FBLN2: variants seen among roughly 807,000 people sequenced by gnomAD.
The protein encoded by FBLN2 is fibulin-2.
A neutral mutation model predicts 123.7 loss-of-function variants in FBLN2; 81 were observed. That is an observed-to-expected ratio of 0.65 (90% CI 0.55 to 0.79). FBLN2 has a LOEUF of 0.79. Ranked by LOEUF, FBLN2 falls within the 30% of genes least tolerant of loss-of-function variation. The pLI, the probability that FBLN2 is intolerant of heterozygous loss-of-function variation, is 0.00. For missense variants in FBLN2, 1,603 were observed against 1,681.3 expected, an observed-to-expected ratio of 0.95 and a Z score of 0.81; for synonymous variants, 699 against 701.4, an observed-to-expected ratio of 1.00 and a Z score of 0.05.
At chr3:13,592,136 C>G (rs1704697829) in intron 2 of FBLN2, among the ~76,000 whole-genome samples, 1 of 151,352 alleles carries the variant, frequency 6.6e-6, no homozygotes, top group Non-Finnish European at 1.5e-5. Context: ...GATCCTCCTT[C>G]TGCCTCAGCC....
intron 4 of FBLN2, among the ~76,000 whole-genome samples, chr3:13,612,849 CAGTT>C (rs1705452382): frequency 6.6e-6 from 1 of 152,180 alleles, no homozygotes; most frequent in Non-Finnish European, 1.5e-5. Context: ...AATAGAGTAT[CAGTT>C]AGCTGTTGCT....
rs543340653 is a variant in FBLN2 at position 13,617,898 on chromosome 3, C to G, written c.1730-178C>G. Among the ~76,000 whole-genome samples, 160 of 149,474 alleles carry G rather than the reference C, an allele frequency of 1.1e-3. 2 individuals carry two copies. The South Asian group carries it at 0.032, about 30-fold the overall frequency. On this transcript the variant is annotated intron_variant, in intron 5 of 17. Coordinates refer to ENST00000404922, the MANE Select transcript of FBLN2 (RefSeq NM_001004019.2). ...CCTGCCCACCCACCCATCTATCCAT[C>G]CATCTATCCACCCATCCACCCACCC...
intron 1 of FBLN2, among the ~76,000 whole-genome samples, chr3:13,556,661 TG>T (rs1250389998): frequency 6.6e-6 from 1 of 152,186 alleles, no homozygotes; most frequent in South Asian, 2.1e-4. Flanking sequence ...TTCCTGTGCA[TG>T]GGATGGGAGG....
intron 16 of FBLN2, among the ~76,000 whole-genome samples, chr3:13,634,383 C>T (rs1402997492): frequency 2.6e-5 from 4 of 152,230 alleles, no homozygotes; most frequent in East Asian, 1.9e-4. Flanking sequence ...TGCGACTGAC[C>T]GCCTCCCGCG....
chr3:13,581,097 G>C (rs964678552), intron 2 of FBLN2, among the ~76,000 whole-genome samples: 21 of 152,282 alleles, frequency 1.4e-4, no homozygotes, highest in African/African-American at 4.8e-4. Flanking sequence ...TGAAGATGGA[G>C]AGCACTCCTT....
intron 2 of FBLN2, among the ~76,000 whole-genome samples, chr3:13,585,003 A>G (rs1306579030): frequency 6.6e-6 from 1 of 152,210 alleles, no homozygotes; most frequent in Non-Finnish European, 1.5e-5. Flanking sequence ...AAGCTGGCCC[A>G]CCTGGCAGTT....
chr3:13,615,462 T>G (rs1384502791), intron 5 of FBLN2, among the ~76,000 whole-genome samples: 1 of 152,204 alleles, frequency 6.6e-6, no homozygotes. Context: ...GGTATCAAGA[T>G]TAAACTCTTG....
chr3:13,612,817 G>A (rs1016801550), intron 4 of FBLN2, among the ~76,000 whole-genome samples: 5 of 152,186 alleles, frequency 3.3e-5, no homozygotes, highest in African/African-American at 1.2e-4. Context: ...AGTGGGAAGT[G>A]TTCAACACTG....
intron 1 of FBLN2, among the ~76,000 whole-genome samples, chr3:13,551,115 T>C (rs963657151): frequency 2.6e-5 from 4 of 152,318 alleles, no homozygotes; most frequent in African/African-American, 2.4e-5. Context: ...CTGCCTGGCC[T>C]GCGTGGCCTT....
At chr3:13,588,635 C>T (rs2124852092) in intron 2 of FBLN2, among the ~76,000 whole-genome samples, 1 of 152,328 alleles carries the variant, frequency 6.6e-6, no homozygotes, top group Middle Eastern at 3.4e-3. Flanking sequence ...CACGGATCAC[C>T]CGAGGCTTTG....
chr3:13,574,727 T>A (rs1001899916), intron 2 of FBLN2, among the ~76,000 whole-genome samples: 1 of 152,036 alleles, frequency 6.6e-6, no homozygotes, highest in Non-Finnish European at 1.5e-5. Context: ...CAAAGCCACC[T>A]CCCCAGCTTC....
At chr3:13,549,652 G>A (rs969441060) in intron 1 of FBLN2, among the ~76,000 whole-genome samples, 1 of 142,286 alleles carries the variant, frequency 7.0e-6, no homozygotes, top group African/African-American at 2.6e-5. Context: ...AAGAAGACTA[G>A]AGTCCCTGGT....
intron 2 of FBLN2, among the ~76,000 whole-genome samples, chr3:13,586,127 G>A (rs2124847892): frequency 6.6e-6 from 1 of 152,250 alleles, no homozygotes; most frequent in Admixed American, 6.5e-5. Flanking sequence ...TAATATTGAT[G>A]ATCCTGACCC....
intron 16 of FBLN2, among the ~76,000 whole-genome samples, chr3:13,634,152 G>A (rs533026676): frequency 6.6e-6 from 1 of 152,196 alleles, no homozygotes; most frequent in African/African-American, 2.4e-5. Flanking sequence ...GCCCTTGGAA[G>A]CCTCTCTTCC....
intron 2 of FBLN2, among the ~76,000 whole-genome samples, chr3:13,597,775 G>A (rs1704894436): frequency 2.0e-5 from 3 of 152,262 alleles, no homozygotes; most frequent in Admixed American, 1.3e-4. Context: ...CGTGGGAACA[G>A]CAGGGTTCCT....
At chr3:13,619,281 T>G (rs897717295) in intron 7 of FBLN2, among the ~76,000 whole-genome samples, 5 of 152,188 alleles carry the variant, frequency 3.3e-5, no homozygotes, top group Admixed American at 2.6e-4. Flanking sequence ...TCTCCATTCT[T>G]GTAACGTTGA....
chr3:13,560,655 C>G (rs937833828), intron 1 of FBLN2, among the ~76,000 whole-genome samples: 14 of 152,208 alleles, frequency 9.2e-5, no homozygotes, highest in Admixed American at 6.5e-5. Context: ...CTGTAGTTTT[C>G]AAGATTGAAG....
At chr3:13,582,171 C>G (rs1704352656) in intron 2 of FBLN2, among the ~76,000 whole-genome samples, 1 of 152,176 alleles carries the variant, frequency 6.6e-6, no homozygotes, top group Non-Finnish European at 1.5e-5. Flanking sequence ...GCTGTGGTTC[C>G]AAGTCCTGAG....
At chr3:13,582,038 G>A (rs1338085989) in intron 2 of FBLN2, among the ~76,000 whole-genome samples, 1 of 152,128 alleles carries the variant, frequency 6.6e-6, no homozygotes, top group East Asian at 1.9e-4. Flanking sequence ...ATCTGTAAAA[G>A]GGGCTTACTG....
Sources: allele counts gnomAD v4.1 joint callset (sites outside exome capture counted in the v4.1 genomes callset), GRCh38; gene constraint gnomAD v4.1.1; transcripts MANE v1.5; gene names NCBI Gene and HGNC (gene_info 2026-07-23, HGNC 2026-07-21).